The following CPOX variants were observed in gnomAD, a reference collection of about 807,000 sequenced individuals.
CPOX encodes oxygen-dependent coproporphyrinogen-III oxidase, mitochondrial.
A neutral mutation model predicts 48.9 loss-of-function variants in CPOX; 24 were observed. The observed-to-expected ratio is 0.49, with a 90% CI of 0.36 to 0.69. The LOEUF is 0.69. Ranked by LOEUF, CPOX falls within the 30% of genes least tolerant of loss-of-function variation. CPOX has a pLI of 0.00. For missense variants in CPOX, 549 were observed against 597.3 expected (o/e 0.92, Z 0.84); for synonymous variants, 249 against 234.6 (o/e 1.06, Z -0.56).
At position 98,588,693 on chromosome 3, in the gene CPOX, A is replaced by G. The variant is rs780531734; in HGVS notation, c.953+20T>C. On this transcript the variant is annotated intron_variant, in intron 4 of 6. Transcript: ENST00000647941. ...CAGAATGTAATTTTGGGGTCATGAA[A>G]GTTCAGTAACTTTACCTACCATTTT... 1 of 1,614,038 alleles carries G rather than the reference A, an allele frequency of 6.2e-7. No homozygotes were observed. Among genetic ancestry groups the G allele is most frequent in the East Asian group, 2.2e-5 (1 of 44,876 alleles).
chr3:98,577,732 G>A (rs912259868), downstream of CPOX, among the ~76,000 whole-genome samples: 1 of 152,142 alleles, frequency 6.6e-6, no homozygotes, highest in Non-Finnish European at 1.5e-5. Flanking sequence ...TTTTTCCATG[G>A]AATTCGTGCT....
chr3:98,582,498 C>CTT (rs1172651014), intron 5 of CPOX, among the ~76,000 whole-genome samples: 3 of 144,306 alleles, frequency 2.1e-5, no homozygotes, highest in African/African-American at 7.6e-5. Flanking sequence ...TTTTTCTTTT[C>CTT]TTTTTTTTTT....
chr3:98,585,679 C>T lies in CPOX; in HGVS notation c.954-20G>A. On this transcript the variant is annotated intron_variant, in intron 4 of 6. Transcript: ENST00000647941. ...TCACACCTGGAAAACACAGCGGCGC[C>T]AAACCAGGGATCAAATGGAAAAAAA... 2.5e-6 allele frequency: 4 copies of T among 1,584,288 alleles called. No individual in the cohort carries two copies. Among genetic ancestry groups the T allele is most frequent in the South Asian group, 1.1e-5 (1 of 90,406 alleles).
rs1303233052 is a variant in CPOX at position 98,590,703 on chromosome 3, A to G, written c.740T>C (p.Ile247Thr). 11 of 1,613,972 alleles carry G rather than the reference A, an allele frequency of 6.8e-6. No homozygotes were observed. Among genetic ancestry groups the G allele is most frequent in the African/African-American group, 1.3e-5 (1 of 74,912 alleles). Residue 247 changes from isoleucine (I) to threonine (T), a missense_variant, in exon 3 of 7, where the codon ATC becomes ACC. Ile to Thr is a moderately conservative substitution (Grantham distance 89, BLOSUM62 -1). Coordinates refer to ENST00000647941, the MANE Select transcript of CPOX (RefSeq NM_000097.7). ...AGGAGCATGAGGATTCTTGGGGTGGATAACAGAGCTCACGCCCATAGCACA... is the reference window on the plus strand; with the variant it reads ...AGGAGCATGAGGATTCTTGGGGTGGGTAACAGAGCTCACGCCCATAGCACA... ...PFCAMGVSSV[I>T]HPKNPHAPTI...
chr3:98,592,898 C>T (rs192634384), intron 1 of CPOX, 51 bp downstream of exon 1: 2 of 1,565,006 alleles, frequency 1.3e-6, no homozygotes, highest in Non-Finnish European at 1.7e-6. Context: ...CAACCTGGAA[C>T]CTGACCCTTT....
Position 98,587,132 on chromosome 3 carries a change from T to C in CPOX, c.954-1473A>G, listed in dbSNP as rs79942934. 2.0e-5 allele frequency among the ~76,000 whole-genome samples: 3 copies of C among 152,020 alleles called. No individual in the cohort carries two copies. The East Asian group carries it at 5.8e-4, about 29-fold the overall frequency. On this transcript the variant is annotated intron_variant, in intron 4 of 6. Transcript: ENST00000647941. Reference sequence around the variant, plus strand: ...AAGGTTACCTTAAATACAGCTTCAATTGCTTAAACAACAACAACAAAAAAC... The same window carrying C: ...AAGGTTACCTTAAATACAGCTTCAACTGCTTAAACAACAACAACAAAAAAC...
At chr3:98,576,371 C>G (rs115096401), downstream of CPOX, among the ~76,000 whole-genome samples, 1 of 152,166 alleles carries the variant, frequency 6.6e-6, no homozygotes, top group African/African-American at 2.4e-5. Context: ...CTCACTACCA[C>G]GAGAACAGCA....
At chr3:98,592,473 G>C (rs1707498759) in intron 1 of CPOX, among the ~76,000 whole-genome samples, 1 of 152,086 alleles carries the variant, frequency 6.6e-6, no homozygotes, top group African/African-American at 2.4e-5. Context: ...AAAAGAAGTG[G>C]GAAGATTCTG....
chr3:98,586,388 A>G (rs1345741878), intron 4 of CPOX, among the ~76,000 whole-genome samples: 3 of 152,162 alleles, frequency 2.0e-5, no homozygotes, highest in Admixed American at 2.0e-4. Context: ...TGCAAATCCA[A>G]GCTCTCTTGA....
rs1239134864 is a variant in CPOX, at chr3:98,585,541, C to A, written c.1072G>T (p.Ala358Ser). 7 of 1,613,942 alleles carry A rather than the reference C, an allele frequency of 4.3e-6. No homozygotes were observed. Among genetic ancestry groups the A allele is most frequent in the Non-Finnish European group, 5.9e-6 (7 of 1,180,004 alleles). The change falls in exon 5 of 7, where the codon GCC (alanine) becomes TCC (serine). Residue 358 changes from alanine to serine, a missense_variant. Physicochemically the swap from Ala to Ser is moderately conservative, Grantham distance 99. This residue lies in a region of CPOX where 213 missense variants were observed against 279.1 expected (regional missense o/e 0.76). Transcript: ENST00000647941. ...ATGTAAGAAGGAACTACAGCCCTGG[C>A]ACAGCTCTGTACAAAGCGAAACACC... The part of the protein sequence containing the change: ...EEVFRFVQSC[A>S]RAVVPSYIPL...
In CPOX at chr3:98,581,398, T is replaced by C. The variant is rs199963669; in HGVS notation, c.1277+9A>G. The C allele has an allele frequency of 1.3e-5, 20 of 1,597,862 alleles. 1 individual carries two copies. The African/African-American group carries it at 2.1e-4, about 17-fold the overall frequency. ...TAGGGATAACTACTAAAATGAGTTATCTCCTTACCGGGCAGTTAGAGGTAA... is the reference window on the plus strand; with the variant it reads ...TAGGGATAACTACTAAAATGAGTTACCTCCTTACCGGGCAGTTAGAGGTAA... On this transcript the variant is annotated intron_variant, in intron 6 of 6. Transcript: ENST00000647941.
downstream of CPOX, among the ~76,000 whole-genome samples, chr3:98,576,947 G>T (rs903208073): frequency 4.6e-5 from 7 of 152,128 alleles, no homozygotes; most frequent in African/African-American, 1.7e-4. Context: ...GTAATAAGTG[G>T]GATGTGGATT....
chr3:98,590,096 T>C (rs991430193), intron 3 of CPOX, among the ~76,000 whole-genome samples: 3 of 152,264 alleles, frequency 2.0e-5, no homozygotes, highest in African/African-American at 4.8e-5. Context: ...TCCTTCTATG[T>C]TGGAGGAAAT....
chr3:98,581,718 A>T (rs959827438), intron 5 of CPOX, among the ~76,000 whole-genome samples: 4 of 152,200 alleles, frequency 2.6e-5, no homozygotes, highest in Non-Finnish European at 4.4e-5. Context: ...AAACAATAGA[A>T]TATAGATTCT....
chr3:98,586,499 G>A (rs1313680421), intron 4 of CPOX, among the ~76,000 whole-genome samples: 3 of 152,080 alleles, frequency 2.0e-5, no homozygotes, highest in Non-Finnish European at 4.4e-5. Context: ...ACAGGGAAAA[G>A]TTGGTGGAAA....
intron 4 of CPOX, among the ~76,000 whole-genome samples, chr3:98,586,984 G>C (rs556001424): frequency 6.6e-6 from 1 of 152,036 alleles, no homozygotes; most frequent in South Asian, 2.1e-4. Flanking sequence ...CAAAAAAGAA[G>C]CCATTTCCTA....
intron 4 of CPOX, among the ~76,000 whole-genome samples, chr3:98,587,033 G>T (rs979722541): frequency 2.0e-5 from 3 of 152,144 alleles, no homozygotes; most frequent in African/African-American, 7.2e-5. Flanking sequence ...CCTAAAAGTA[G>T]TTCTTTTGAT....
intron 4 of CPOX, among the ~76,000 whole-genome samples, chr3:98,586,925 CAG>C (rs1354783369): frequency 6.6e-6 from 1 of 151,996 alleles, no homozygotes; most frequent in Non-Finnish European, 1.5e-5. Context: ...GCCTGGGCGA[CAG>C]AGTGAGACTC....
chr3:98,584,547 T>C (rs1298227809), intron 5 of CPOX, among the ~76,000 whole-genome samples: 2 of 152,254 alleles, frequency 1.3e-5, no homozygotes, highest in Non-Finnish European at 1.5e-5. Flanking sequence ...AGTTGACCTC[T>C]TTAAGGCAAA....
Sources: gnomAD v4.1 joint callset for allele counts (sites outside exome capture counted in the v4.1 genomes callset) on GRCh38, gnomAD v4.1.1 for gene constraint, gnomAD v4.1.1 regional missense constraint, MANE v1.5 for transcripts, NCBI Gene and HGNC (gene_info 2026-07-23, HGNC 2026-07-21) for gene names.